CHST15: variants seen among roughly 807,000 people sequenced by gnomAD.
The protein encoded by CHST15 is carbohydrate sulfotransferase 15, also known as B cell RAG associated protein (GALNAC4S-6ST).
In CHST15, 30 loss-of-function variants were observed where a neutral mutation model predicts 53.6. That is an observed-to-expected ratio of 0.56 (90% CI 0.42 to 0.76). The LOEUF is 0.76. Among genes scored for constraint, CHST15 ranks in the 30% least tolerant of loss-of-function variants. CHST15 has a pLI of 0.00. For synonymous variants in CHST15, 296 were observed against 289.8 expected (o/e 1.02, Z -0.22); for missense variants, 627 against 740.5 (o/e 0.85, Z 1.78).
At chr10:124,087,780 C>CGAGCTACACCAGCACAGTTCCACCTA (rs1417407372) in intron 1 of CHST15, among the ~76,000 whole-genome samples, 1 of 139,818 alleles carries the variant, frequency 7.2e-6, no homozygotes, top group Non-Finnish European at 1.5e-5. Context: ...CATTCACAAG[C>CGAGCTACACCAGCACAGTTCCACCTA]GAGCTACACC....
intron 1 of CHST15, among the ~76,000 whole-genome samples, chr10:124,078,238 G>A (rs943580216): frequency 1.3e-5 from 2 of 152,174 alleles, no homozygotes; most frequent in African/African-American, 4.8e-5. Flanking sequence ...GCCCGGCAAG[G>A]TTAAGAACAA....
chr10:124,092,790 G>T (rs1255648482), intron 1 of CHST15, among the ~76,000 whole-genome samples: 2 of 152,228 alleles, frequency 1.3e-5, no homozygotes, highest in African/African-American at 4.8e-5. Context: ...GGGAATCCCC[G>T]TCCCCTACCG....
chr10:124,020,784 A>G (rs780070538), intron 6 of CHST15: 6 of 1,094,278 alleles, frequency 5.5e-6, no homozygotes, highest in Non-Finnish European at 6.7e-6. Flanking sequence ...TTCTGAAGGA[A>G]GAACAAGAGA....
At chr10:124,010,453 A>G in intron 7 of CHST15, 114 bp from the exon 8 acceptor site, 14 of 1,418,348 alleles carry the variant, frequency 9.9e-6, no homozygotes, top group Non-Finnish European at 1.3e-5. Context: ...CTTTAAGAGA[A>G]CATATTTAGG....
chr10:124,022,811 CTTTTTTTTTT>C (rs924775599), intron 5 of CHST15, among the ~76,000 whole-genome samples: 14 of 100,422 alleles, frequency 1.4e-4, no homozygotes, highest in Non-Finnish European at 2.4e-4. Context: ...CTTGGCATTT[CTTTTTTTTTT>C]TTTTTTTTTT....
Position 124,021,256 on chromosome 10 carries a change from A to G in CHST15, c.1347T>C (p.Pro449=). Residue 449 remains proline, a splice_region_variant and synonymous_variant, in exon 6 of 8, where the codon CCT becomes CCC. Coordinates refer to ENST00000435907, the MANE Select transcript of CHST15 (RefSeq NM_001270764.2). ...GGGTACGGGGGGGGGGGGTACACACAGGCATGGCGTTGTTGAGGGTGTTGT... is the reference window on the plus strand; with the variant it reads ...GGGTACGGGGGGGGGGGGTACACACGGGCATGGCGTTGTTGAGGGTGTTGT... The part of the protein sequence containing the change: ...VYNNTLNNAM[P]VRLQVGLYAV... 2 of 1,598,738 alleles carry G rather than the reference A, an allele frequency of 1.3e-6. No homozygotes were observed. Among genetic ancestry groups the G allele is most frequent in the Non-Finnish European group, 1.7e-6 (2 of 1,171,356 alleles).
chr10:124,081,370 ATGCACG>A (rs1384716865), intron 1 of CHST15, among the ~76,000 whole-genome samples: 9 of 66,496 alleles, frequency 1.4e-4, no homozygotes, highest in Admixed American at 2.8e-4. Context: ...ATGCACACAC[ATGCACG>A]CATGCACACA....
At chr10:124,058,990 T>C (rs574093201) in intron 1 of CHST15, among the ~76,000 whole-genome samples, 23 of 152,268 alleles carry the variant, frequency 1.5e-4, no homozygotes, top group South Asian at 1.4e-3. Context: ...GCCCAGAGAA[T>C]GTAATGCTAT....
intron 1 of CHST15, among the ~76,000 whole-genome samples, chr10:124,082,465 G>A (rs927195878): frequency 4.6e-5 from 7 of 152,138 alleles, no homozygotes; most frequent in Non-Finnish European, 8.8e-5. Flanking sequence ...CAGGGGGATC[G>A]GGATCCCATC....
chr10:124,077,465 G>C (rs569433086), intron 1 of CHST15, among the ~76,000 whole-genome samples: 2 of 152,054 alleles, frequency 1.3e-5, no homozygotes, highest in Non-Finnish European at 2.9e-5. Flanking sequence ...GCACTCAAGC[G>C]GAGGCCTTGT....
rs1337501648 is a variant in CHST15 at position 124,076,733 on chromosome 10, G to A, written c.-513+16736C>T. On this transcript the variant is annotated intron_variant, in intron 1 of 7. Coordinates refer to ENST00000435907, the MANE Select transcript of CHST15 (RefSeq NM_001270764.2). ...TAATTTTTTTTTTTTTTTTTGAGAC[G>A]GAGTCTCGCTCTGTCGCCCAGGCTG... is the stretch of plus-strand genomic sequence containing the variant. 1.5e-4 allele frequency among the ~76,000 whole-genome samples: 23 copies of A among 148,850 alleles called. 2 individuals carry two copies. In the South Asian group the frequency reaches 1.9e-3, roughly 12 times the overall value.
Position 124,010,012 on chromosome 10 carries a change from T to C in CHST15, c.*137A>G. The C allele has an allele frequency of 6.6e-7, 1 of 1,518,740 alleles. No homozygotes were observed. Among genetic ancestry groups the C allele is most frequent in the Non-Finnish European group, 8.8e-7 (1 of 1,137,982 alleles). 94.1% of individuals were successfully genotyped at this position (1,518,740 alleles called of 1,614,324 possible). ...CACGAAGGAAATTCCAAAATGGTTA[T>C]AATTCATGTGTGCCTAGAGTGGCAG... On this transcript the variant is annotated 3_prime_UTR_variant, in exon 8 of 8. Coordinates refer to ENST00000435907, the MANE Select transcript of CHST15 (RefSeq NM_001270764.2).
intron 6 of CHST15, 123 bp downstream of exon 6, chr10:124,021,133 T>G (rs1946763055): frequency 6.6e-7 from 1 of 1,525,688 alleles, no homozygotes; most frequent in Admixed American, 2.0e-5. Context: ...ATTTGCACAT[T>G]AAAACGCTTC....
chr10:124,086,085 T>C (rs1372993918), intron 1 of CHST15, among the ~76,000 whole-genome samples: 4 of 152,208 alleles, frequency 2.6e-5, no homozygotes, highest in African/African-American at 9.6e-5. Flanking sequence ...TCCCTGTGAA[T>C]TGCGTTCAAC....
chr10:124,056,891 C>T (rs115097625), intron 1 of CHST15, among the ~76,000 whole-genome samples: 14,047 of 150,784 alleles, frequency 0.093, 2,165 homozygotes, highest in African/African-American at 0.32. Context: ...CGGCCCAGGC[C>T]TGTACGACCG....
chr10:124,058,660 C>T (rs1365045437), intron 1 of CHST15, among the ~76,000 whole-genome samples: 2 of 152,162 alleles, frequency 1.3e-5, no homozygotes, highest in Non-Finnish European at 2.9e-5. Context: ...TGTAAGGAGG[C>T]GAGGCTGGAC....
At chr10:124,012,030 C>CT (rs1308891728) in intron 7 of CHST15, among the ~76,000 whole-genome samples, 2 of 152,178 alleles carry the variant, frequency 1.3e-5, no homozygotes, top group Non-Finnish European at 2.9e-5. Context: ...CCACGGCATC[C>CT]TACCTGTCAT....
chr10:124,068,425 T>C (rs180805930), intron 1 of CHST15, among the ~76,000 whole-genome samples: 1 of 152,328 alleles, frequency 6.6e-6, no homozygotes, highest in Admixed American at 6.5e-5. Context: ...TCAGGAATCG[T>C]TGGCAGTGCT....
chr10:124,030,904 G>C (rs35694071), intron 5 of CHST15, among the ~76,000 whole-genome samples: 5 of 152,244 alleles, frequency 3.3e-5, no homozygotes, highest in Admixed American at 6.5e-5. Context: ...TTTTGCCCTA[G>C]GGCGGGCATC....
Sources: gnomAD v4.1 joint callset for allele counts (sites outside exome capture counted in the v4.1 genomes callset) on GRCh38, gnomAD v4.1.1 for gene constraint, MANE v1.5 for transcripts, NCBI Gene and HGNC (gene_info 2026-07-23, HGNC 2026-07-21) for gene names.